The following SKIL variants were observed in gnomAD, a reference collection of about 807,000 sequenced individuals.
The protein encoded by SKIL is ski-like protein.
SKIL carries 20 observed loss-of-function variants against 69.6 expected under a neutral mutation model. That is an observed-to-expected ratio of 0.29 (90% CI 0.20 to 0.42). The LOEUF is 0.42. SKIL is among the 10% of genes least tolerant of loss of function. The pLI is 1.00. For synonymous variants in SKIL, 310 were observed against 279.9 expected (o/e 1.11, Z -1.08); for missense variants, 745 against 783.1 (o/e 0.95, Z 0.58).
rs1243189410 is a variant in SKIL at position 170,360,265 on chromosome 3, C to T, written c.-67C>T. The T allele has an allele frequency of 1.2e-5, 17 of 1,425,624 alleles. No individual in the cohort carries two copies. The highest frequency in any genetic ancestry group is 2.9e-5 in the South Asian group (2 of 69,432). The allele number at this position is 1,425,624 out of a possible 1,614,324, so 88.3% of individuals were successfully genotyped here. On this transcript the variant is annotated 5_prime_UTR_variant, in exon 2 of 7. Transcript: ENST00000259119. ...ATTTGTATCCATTCATTACTTTCCT[C>T]TTTTCAAATAAGCAACTAAATAGAA...
In SKIL at chr3:170,392,505, T is replaced by A; in HGVS notation, c.*88T>A. Reference sequence around the variant, plus strand: ...TGGTAATTGAATTCTGAAGAATTTATCTGCATGACGATAACTAGGCATTCT... The same window carrying A: ...TGGTAATTGAATTCTGAAGAATTTAACTGCATGACGATAACTAGGCATTCT... On this transcript the variant is annotated 3_prime_UTR_variant, in exon 7 of 7. Coordinates refer to ENST00000259119, the MANE Select transcript of SKIL (RefSeq NM_005414.5). The A allele has an allele frequency of 1.3e-6, 1 of 769,792 alleles. No homozygotes were observed. Among genetic ancestry groups the A allele is most frequent in the South Asian group, 2.5e-5 (1 of 40,304 alleles). 47.7% of individuals were successfully genotyped at this position (769,792 alleles called of 1,614,324 possible).
rs1738004710 is a variant in SKIL at position 170,393,044 on chromosome 3, TA to T, written c.*628del. On this transcript the variant is annotated 3_prime_UTR_variant, in exon 7 of 7. Transcript: ENST00000259119. Reference sequence around the variant, plus strand: ...ACAGTGGGGAAGAAGAATGTGTTGTTATGTGCTGCTGCTAAACAGAAGCAGC... The same window carrying T: ...ACAGTGGGGAAGAAGAATGTGTTGTTTGTGCTGCTGCTAAACAGAAGCAGC... 6.6e-6 allele frequency: 1 copy of T among 152,218 alleles called. No homozygotes were observed. Among genetic ancestry groups the T allele is most frequent in the Non-Finnish European group, 1.5e-5 (1 of 68,018 alleles). The allele number at this position is 152,218 out of a possible 1,614,324, so 9.4% of individuals were successfully genotyped here.
At chr3:170,381,047 T>C (rs146626235) in intron 2 of SKIL, among the ~76,000 whole-genome samples, 197 bp from the exon 3 acceptor site, 282 of 150,882 alleles carry the variant, frequency 1.9e-3, no homozygotes, top group African/African-American at 6.6e-3. Context: ...TTGCCCAGGC[T>C]GACTCCACGG....
Position 170,396,591 on chromosome 3 carries a change from GAC to G in SKIL, c.*4178_*4179del, listed in dbSNP as rs2108233282. The G allele has an allele frequency of 6.6e-6, 1 of 152,240 alleles. No individual in the cohort carries two copies. Among genetic ancestry groups the G allele is most frequent in the East Asian group, 1.9e-4 (1 of 5,182 alleles). The allele number at this position is 152,240 out of a possible 1,614,324, so 9.4% of individuals were successfully genotyped here. The stretch of plus-strand genomic sequence containing the variant: ...GTTGCTGTGGTTGGTTGCATTACAT[GAC>G]ACAGAAAACTGTCCTCTACCTCACG... On this transcript the variant is annotated 3_prime_UTR_variant, in exon 7 of 7. Coordinates refer to ENST00000259119, the MANE Select transcript of SKIL (RefSeq NM_005414.5).
chr3:170,381,514 C>T (rs1737348493), intron 3 of SKIL, among the ~76,000 whole-genome samples, 173 bp downstream of exon 3: 1 of 152,028 alleles, frequency 6.6e-6, no homozygotes, highest in Admixed American at 6.6e-5. Context: ...CTCATTGCAA[C>T]CTCCGCCTCA....
intron 3 of SKIL, among the ~76,000 whole-genome samples, chr3:170,383,279 A>G (rs958978509): frequency 2.6e-5 from 4 of 152,180 alleles, no homozygotes; most frequent in African/African-American, 4.8e-5. Flanking sequence ...TTTGAGCCCT[A>G]TTAAACCTGT....
In SKIL at chr3:170,391,554, C is replaced by T. The variant is rs1300376832; in HGVS notation, c.1896+294C>T. Among the ~76,000 whole-genome samples, 4 of 152,170 alleles carry T rather than the reference C, an allele frequency of 2.6e-5. No individual in the cohort carries two copies. In the East Asian group the frequency reaches 7.7e-4, roughly 29 times the overall value. ...CAGTCTGGTCTTGAACTCCTGACCT[C>T]ATGATCTGCCCACCTCAGCCTCCCA... On this transcript the variant is annotated intron_variant, in intron 6 of 6. Coordinates refer to ENST00000259119, the MANE Select transcript of SKIL (RefSeq NM_005414.5).
intron 3 of SKIL, among the ~76,000 whole-genome samples, chr3:170,382,920 T>A (rs935047888): frequency 6.6e-6 from 1 of 152,028 alleles, no homozygotes; most frequent in African/African-American, 2.4e-5. Context: ...GGTTTCACCA[T>A]GTTGGCCAGG....
At chr3:170,383,879 T>A (rs1255621350) in intron 3 of SKIL, among the ~76,000 whole-genome samples, 1 of 152,116 alleles carries the variant, frequency 6.6e-6, no homozygotes, top group Non-Finnish European at 1.5e-5. Flanking sequence ...AAAGTAGTTA[T>A]AGATTATTCT....
At chr3:170,382,961 C>T (rs1347207779) in intron 3 of SKIL, among the ~76,000 whole-genome samples, 2 of 152,108 alleles carry the variant, frequency 1.3e-5, no homozygotes, top group Non-Finnish European at 2.9e-5. Flanking sequence ...TCAAGTGACC[C>T]ACCTGCCATC....
At chr3:170,381,856 T>C (rs1326874173) in intron 3 of SKIL, among the ~76,000 whole-genome samples, 2 of 151,652 alleles carry the variant, frequency 1.3e-5, no homozygotes, top group Non-Finnish European at 2.9e-5. Context: ...CCGAGGTGGG[T>C]GGATCATGAG....
chr3:170,379,223 C>G (rs1049823648), intron 2 of SKIL, among the ~76,000 whole-genome samples: 1 of 152,118 alleles, frequency 6.6e-6, no homozygotes, highest in African/African-American at 2.4e-5. Flanking sequence ...GGTGATCCAC[C>G]CTTCTCGGCC....
At chr3:170,364,646 CA>C (rs1251246160) in intron 2 of SKIL, among the ~76,000 whole-genome samples, 1 of 151,894 alleles carries the variant, frequency 6.6e-6, no homozygotes, top group African/African-American at 2.4e-5. Flanking sequence ...ATTAGTCTGA[CA>C]TAAGTGTATT....
chr3:170,362,794 G>A (rs903722078), intron 2 of SKIL, among the ~76,000 whole-genome samples: 4 of 149,008 alleles, frequency 2.7e-5, no homozygotes, highest in Non-Finnish European at 1.5e-5. Flanking sequence ...CATCCTGGGC[G>A]TCAGAGTAAG....
At chr3:170,375,622 G>T (rs147669220) in intron 2 of SKIL, among the ~76,000 whole-genome samples, 3 of 152,166 alleles carry the variant, frequency 2.0e-5, no homozygotes, top group Admixed American at 6.6e-5. Flanking sequence ...TGCCTAGGCT[G>T]CAGTGCAGTG....
chr3:170,365,751 G>GTTTTTTTTTTTTTTT (rs1560207824), intron 2 of SKIL, among the ~76,000 whole-genome samples: 1 of 92,438 alleles, frequency 1.1e-5, no homozygotes, highest in African/African-American at 5.3e-5. Context: ...GTCAAACTAG[G>GTTTTTTTTTTTTTTT]CTTTTTTTTT....
chr3:170,361,458 T>G, intron 2 of SKIL, 29 bp downstream of exon 2: 1 of 1,473,532 alleles, frequency 6.8e-7, no homozygotes, highest in Non-Finnish European at 9.1e-7. Context: ...TTTTTAATAA[T>G]GGTAATGGTT....
chr3:170,395,204 G>A lies in SKIL; in HGVS notation c.*2787G>A, dbSNP rs1436047649. 1 of 152,064 alleles carries A rather than the reference G, an allele frequency of 6.6e-6. No individual in the cohort carries two copies. The highest frequency in any genetic ancestry group is 1.5e-5 in the Non-Finnish European group (1 of 67,956). 9.4% of individuals were successfully genotyped at this position (152,064 alleles called of 1,614,324 possible). A position where few individuals can be genotyped will look rare whatever the true frequency, so the allele number is the denominator to read the frequency against. On this transcript the variant is annotated 3_prime_UTR_variant, in exon 7 of 7. Coordinates refer to ENST00000259119, the MANE Select transcript of SKIL (RefSeq NM_005414.5). ...TACCTACTCTATAAAGGTAATAAAT[G>A]TAAAACCTCTTGCTGTTATTGAGGA... is the stretch of plus-strand genomic sequence containing the variant.
intron 1 of SKIL, among the ~76,000 whole-genome samples, chr3:170,359,291 T>G (rs1289462330): frequency 6.6e-6 from 1 of 152,218 alleles, no homozygotes; most frequent in African/African-American, 2.4e-5. Context: ...CTGAACTCAG[T>G]TTAAGATTAA....
Sources: allele counts gnomAD v4.1 joint callset (sites outside exome capture counted in the v4.1 genomes callset), GRCh38; gene constraint gnomAD v4.1.1; transcripts MANE v1.5; gene names NCBI Gene and HGNC (gene_info 2026-07-23, HGNC 2026-07-21).